Variants in IL23R observed in about 807,000 individuals in gnomAD.
IL23R encodes interleukin 23 receptor, also known as interleukin-23 receptor.
A neutral mutation model predicts 56.9 loss-of-function variants in IL23R; 34 were observed. The ratio of observed to expected loss-of-function variants is 0.60; its 90% CI spans 0.45 to 0.80. The LOEUF is 0.80. Ranked by LOEUF, IL23R falls within the 30% of genes least tolerant of loss-of-function variation. IL23R has a pLI of 0.00. For synonymous variants in IL23R, 230 were observed against 249.2 expected (o/e 0.92, Z 0.73); for missense variants, 635 against 730.0 (o/e 0.87, Z 1.50).
intron 1 of IL23R, among the ~76,000 whole-genome samples, chr1:67,155,888 G>A (rs1646766472): frequency 1.3e-5 from 2 of 152,202 alleles, no homozygotes; most frequent in South Asian, 4.1e-4. Context: ...TTTTGGAAGA[G>A]TCAGTGTTTT....
intron 7 of IL23R, among the ~76,000 whole-genome samples, chr1:67,229,646 GGCCA>G (rs1650968792): frequency 6.6e-6 from 1 of 152,104 alleles, no homozygotes; most frequent in Non-Finnish European, 1.5e-5. Flanking sequence ...ACATAGGGGC[GGCCA>G]GCCACTAGTC....
At chr1:67,171,348 C>T (rs774969516) in intron 3 of IL23R, among the ~76,000 whole-genome samples, 3 of 152,098 alleles carry the variant, frequency 2.0e-5, no homozygotes, top group Non-Finnish European at 2.9e-5. Flanking sequence ...ATTCATGAAT[C>T]GGCAGCATCT....
intron 1 of IL23R, among the ~76,000 whole-genome samples, chr1:67,154,510 A>G (rs1018509953): frequency 1.3e-5 from 2 of 152,090 alleles, no homozygotes; most frequent in South Asian, 2.1e-4. Context: ...ACCATTATGT[A>G]ATGCCCTTCT....
At chr1:67,146,518 T>C (rs536228021) in intron 1 of IL23R, among the ~76,000 whole-genome samples, 1 of 152,318 alleles carries the variant, frequency 6.6e-6, no homozygotes, top group Non-Finnish European at 1.5e-5. Context: ...TGATGGGGAC[T>C]GGTCCAATAA....
intron 1 of IL23R, among the ~76,000 whole-genome samples, chr1:67,156,670 T>C (rs1452035391): frequency 1.3e-5 from 2 of 152,208 alleles, no homozygotes; most frequent in Admixed American, 6.5e-5. Context: ...TGAACCAAAC[T>C]GATCATCCCA....
intron 10 of IL23R, among the ~76,000 whole-genome samples, 185 bp from the exon 11 acceptor site, chr1:67,258,293 A>C (rs958802764): frequency 3.3e-5 from 5 of 152,136 alleles, no homozygotes; most frequent in Non-Finnish European, 7.3e-5. Flanking sequence ...AAATTTAATA[A>C]AGATTTGGAA....
exon 11 of IL23R, chr1:67,259,965 G>GAAAAAAA (rs372460431): frequency 2.1e-4 from 16 of 76,070 alleles, no homozygotes; most frequent in East Asian, 1.3e-3. Flanking sequence ...ACTCTGTCTG[G>GAAAAAAA]AAAAAAAAAA....
intron 10 of IL23R, 122 bp from the exon 11 acceptor site, chr1:67,258,356 A>G (rs2100396255): frequency 7.5e-6 from 5 of 666,688 alleles, no homozygotes; most frequent in Non-Finnish European, 1.3e-5. Context: ...AAGATAAACA[A>G]TATGAGAAAA....
At chr1:67,190,112 A>G (rs1270963846) in intron 4 of IL23R, among the ~76,000 whole-genome samples, 3 of 152,236 alleles carry the variant, frequency 2.0e-5, no homozygotes, top group Admixed American at 6.5e-5. Flanking sequence ...GGCAGAGATC[A>G]GCATGTGCAA....
intron 4 of IL23R, among the ~76,000 whole-genome samples, chr1:67,197,572 A>G (rs140980204): frequency 6.6e-6 from 1 of 152,324 alleles, no homozygotes; most frequent in Non-Finnish European, 1.5e-5. Flanking sequence ...TCTGCAGAAG[A>G]ATGAGTGAAC....
chr1:67,248,342 T>C (rs973075673), intron 9 of IL23R, among the ~76,000 whole-genome samples: 2 of 152,228 alleles, frequency 1.3e-5, no homozygotes, highest in Non-Finnish European at 2.9e-5. Context: ...GATCTTGTCT[T>C]CTTGCTTTAT....
Position 67,240,301 on chromosome 1 carries a change from C to T in IL23R, c.1148+20C>T, listed in dbSNP as rs11465816. 2,654 of 1,538,282 alleles carry T rather than the reference C, an allele frequency of 1.7e-3. 39 individuals carry two copies. In the African/African-American group the frequency reaches 0.033, roughly 19 times the overall value. On this transcript the variant is annotated intron_variant, in intron 9 of 10. Coordinates refer to ENST00000347310, the MANE Select transcript of IL23R (RefSeq NM_144701.3). ...AACTGGGTAGGTTTTTGCAGAATTT[C>T]TGTTTTCTGATTTAGACTACATGTA... is the stretch of plus-strand genomic sequence containing the variant.
At chr1:67,236,197 C>T (rs1651460030) in intron 7 of IL23R, among the ~76,000 whole-genome samples, 1 of 152,200 alleles carries the variant, frequency 6.6e-6, no homozygotes, top group African/African-American at 2.4e-5. Flanking sequence ...GGTGACATCC[C>T]ACCCAGGTGT....
In IL23R at chr1:67,206,926, C is replaced by T. The variant is rs190571004; in HGVS notation, c.669C>T (p.Ala223=). 1.8e-4 allele frequency: 284 copies of T among 1,582,416 alleles called. 2 individuals are homozygous for T. In the South Asian group the frequency reaches 2.2e-3, roughly 12 times the overall value. ...TTTTTCTAGTGATACCTTCTGCAGC[C>T]GTCATTTCCAGGGCTGAGACTATAA... ...HLDDIVIPSA[A]VISRAETINA... Residue 223 remains alanine, a synonymous_variant, in exon 6 of 11, where the codon GCC becomes GCT. Coordinates refer to ENST00000347310, the MANE Select transcript of IL23R (RefSeq NM_144701.3).
intron 9 of IL23R, among the ~76,000 whole-genome samples, chr1:67,242,988 A>G (rs908804594): frequency 2.6e-5 from 4 of 152,172 alleles, no homozygotes; most frequent in African/African-American, 9.7e-5. Flanking sequence ...ATTGTTTATA[A>G]CTATTTTAGT....
At chr1:67,230,204 G>A (rs1651004197) in intron 7 of IL23R, among the ~76,000 whole-genome samples, 1 of 152,246 alleles carries the variant, frequency 6.6e-6, no homozygotes, top group Non-Finnish European at 1.5e-5. Flanking sequence ...AACATTCACA[G>A]CCTGGGTGTT....
At chr1:67,237,574 T>C (rs1266702903) in intron 8 of IL23R, among the ~76,000 whole-genome samples, 1 of 152,224 alleles carries the variant, frequency 6.6e-6, no homozygotes, top group African/African-American at 2.4e-5. Flanking sequence ...TCAAATCCTT[T>C]TCTTTCAATG....
chr1:67,175,272 A>G (rs1295999345), intron 3 of IL23R, among the ~76,000 whole-genome samples: 1 of 152,156 alleles, frequency 6.6e-6, no homozygotes, highest in Non-Finnish European at 1.5e-5. Context: ...GTGGAGTGAC[A>G]GGAAAAGAGC....
At chr1:67,207,727 C>G (rs1649183410) in intron 6 of IL23R, 1 of 269,712 alleles carries the variant, frequency 3.7e-6, no homozygotes, top group African/African-American at 2.3e-5. Context: ...CTTTTTCTTC[C>G]TAGTCTTGGG....
Sources: gnomAD v4.1 joint callset for allele counts (sites outside exome capture counted in the v4.1 genomes callset) on GRCh38, gnomAD v4.1.1 for gene constraint, MANE v1.5 for transcripts, NCBI Gene and HGNC (gene_info 2026-07-23, HGNC 2026-07-21) for gene names.